Variants in ZKSCAN1 observed in about 807,000 individuals in gnomAD.
ZKSCAN1 encodes zinc finger protein with KRAB and SCAN domains 1.
ZKSCAN1 carries 14 observed loss-of-function variants against 51.6 expected under a neutral mutation model. The ratio of observed to expected loss-of-function variants is 0.27; its 90% CI spans 0.18 to 0.42. The LOEUF is 0.42. ZKSCAN1 is among the 10% of genes least tolerant of loss of function. The pLI, the probability that ZKSCAN1 is intolerant of heterozygous loss-of-function variation, is 1.00. For missense variants in ZKSCAN1, 531 were observed against 710.0 expected (o/e 0.75, Z 2.86); for synonymous variants, 263 against 261.5 (o/e 1.01, Z -0.06).
Position 100,041,117 on chromosome 7 carries a change from G to C in ZKSCAN1, c.*6920G>C. 1.2e-6 allele frequency: 1 copy of C among 837,588 alleles called. No homozygotes were observed. The highest frequency in any genetic ancestry group is 1.4e-6 in the Non-Finnish European group (1 of 695,270). The allele number at this position is 837,588 out of a possible 1,614,324, so 51.9% of individuals were successfully genotyped here. ...TATATAGAGGGCTAACTCAGGCATTGTCTTGTTTATTTGTAGACTGGATTA... is the reference window on the plus strand; with the variant it reads ...TATATAGAGGGCTAACTCAGGCATTCTCTTGTTTATTTGTAGACTGGATTA... On this transcript the variant is annotated 3_prime_UTR_variant, in exon 6 of 6. Coordinates refer to ENST00000324306, the MANE Select transcript of ZKSCAN1 (RefSeq NM_003439.4).
At position 100,036,160 on chromosome 7, in the gene ZKSCAN1, T is replaced by A; in HGVS notation, c.*1963T>A. The stretch of plus-strand genomic sequence containing the variant: ...GGTCATTCTTTGGCCTCTCCTTGGC[T>A]TTATGACTTAAACCAACTACAACTT... On this transcript the variant is annotated 3_prime_UTR_variant, in exon 6 of 6. Coordinates refer to ENST00000324306, the MANE Select transcript of ZKSCAN1 (RefSeq NM_003439.4). 3.0e-6 allele frequency: 3 copies of A among 985,420 alleles called. No individual in the cohort carries two copies. Among genetic ancestry groups the A allele is most frequent in the Non-Finnish European group, 3.6e-6 (3 of 829,916 alleles). The allele number at this position is 985,420 out of a possible 1,614,324, so 61.0% of individuals were successfully genotyped here.
chr7:100,030,371 C>T lies in ZKSCAN1; in HGVS notation c.795C>T (p.Pro265=). The T allele has an allele frequency of 6.2e-7, 1 of 1,613,428 alleles. No homozygotes were observed. Among genetic ancestry groups the T allele is most frequent in the Admixed American group, 1.7e-5 (1 of 59,830 alleles). Residue 265 remains proline, a synonymous_variant, in exon 5 of 6, where the codon CCC becomes CCT. Coordinates refer to ENST00000324306, the MANE Select transcript of ZKSCAN1 (RefSeq NM_003439.4). ...AGGAGAATTATGGGAGCGCATTTCCCCAGGGTAAGACGGATGCAGGCTTAC... is the reference window on the plus strand; with the variant it reads ...AGGAGAATTATGGGAGCGCATTTCCTCAGGGTAAGACGGATGCAGGCTTAC... ...NRQENYGSAF[P]QGGENRNENE...
rs752326422 is a variant in ZKSCAN1, at chr7:100,023,576, G to C, written c.70G>C (p.Val24Leu). The part of the protein sequence containing the change: ...PQAAQEKDGI[V>L]IVKVEEEDEE... Reference sequence around the variant, plus strand: ...GGCTGCACAGGAGAAGGATGGTATCGTAATAGTGAAGGTGGAAGAGGAAGA... The same window carrying C: ...GGCTGCACAGGAGAAGGATGGTATCCTAATAGTGAAGGTGGAAGAGGAAGA... Residue 24 changes from valine to leucine, a missense_variant, in exon 2 of 6, where the codon GTA becomes CTA. Physicochemically the swap from Val to Leu is conservative, Grantham distance 32 (BLOSUM62 1). Coordinates refer to ENST00000324306, the MANE Select transcript of ZKSCAN1 (RefSeq NM_003439.4). The C allele has an allele frequency of 2.5e-6, 4 of 1,613,628 alleles. No homozygotes were observed. The highest frequency in any genetic ancestry group is 2.2e-5 in the East Asian group (1 of 44,892).
chr7:100,042,827 T>C (rs1445450858), downstream of ZKSCAN1, among the ~76,000 whole-genome samples: 1 of 144,288 alleles, frequency 6.9e-6, no homozygotes, highest in East Asian at 2.1e-4. Context: ...AGACGGAGTC[T>C]CGCTCTGTCT....
chr7:100,035,961 C>G lies in ZKSCAN1; in HGVS notation c.*1764C>G. Reference sequence around the variant, plus strand: ...CATAGACTGAGAACAAACCTCAAGACTATCAGTGTGACCTCCCCATAACAA... The same window carrying G: ...CATAGACTGAGAACAAACCTCAAGAGTATCAGTGTGACCTCCCCATAACAA... On this transcript the variant is annotated 3_prime_UTR_variant, in exon 6 of 6. Coordinates refer to ENST00000324306, the MANE Select transcript of ZKSCAN1 (RefSeq NM_003439.4). The G allele has an allele frequency of 1.0e-6, 1 of 985,450 alleles. No individual in the cohort carries two copies. The highest frequency in any genetic ancestry group is 1.2e-6 in the Non-Finnish European group (1 of 829,942). 61.0% of individuals were successfully genotyped at this position (985,450 alleles called of 1,614,324 possible).
At position 100,034,413 on chromosome 7, in the gene ZKSCAN1, T is replaced by A. The variant is rs993678398; in HGVS notation, c.*216T>A. 1.6e-6 allele frequency: 2 copies of A among 1,290,020 alleles called. No individual in the cohort carries two copies. The highest frequency in any genetic ancestry group is 3.0e-5 in the African/African-American group (2 of 66,638). 79.9% of individuals were successfully genotyped at this position (1,290,020 alleles called of 1,614,324 possible). The stretch of plus-strand genomic sequence containing the variant: ...AGCCCCTGCAGGGAAAGGCTAATCT[T>A]ACGGATAATCCACGTGAGATTTCCA... On this transcript the variant is annotated 3_prime_UTR_variant, in exon 6 of 6. Coordinates refer to ENST00000324306, the MANE Select transcript of ZKSCAN1 (RefSeq NM_003439.4).
Position 100,036,411 on chromosome 7 carries a change from T to G in ZKSCAN1, c.*2214T>G, listed in dbSNP as rs1182684219. On this transcript the variant is annotated 3_prime_UTR_variant, in exon 6 of 6. Coordinates refer to ENST00000324306, the MANE Select transcript of ZKSCAN1 (RefSeq NM_003439.4). ...AACTCCTGTGCTTTTGAGCAAGGACTTTTGCCCTCTAGAAAGCAACTGAGG... is the reference window on the plus strand; with the variant it reads ...AACTCCTGTGCTTTTGAGCAAGGACGTTTGCCCTCTAGAAAGCAACTGAGG... The G allele has an allele frequency of 2.0e-6, 2 of 985,272 alleles. No individual in the cohort carries two copies. Among genetic ancestry groups the G allele is most frequent in the East Asian group, 2.3e-4 (2 of 8,824 alleles). 61.0% of individuals were successfully genotyped at this position (985,272 alleles called of 1,614,324 possible).
rs1791376802 is a variant in ZKSCAN1 at position 100,036,727 on chromosome 7, AAAG to A, written c.*2533_*2535del. On this transcript the variant is annotated 3_prime_UTR_variant, in exon 6 of 6. Transcript: ENST00000324306. ...CAAAACTCCATCTCAAAAAAAAAAA[AAAG>A]AAAGAAAGAAACTGAAAAGTGAGGT... The A allele has an allele frequency of 9.2e-6, 9 of 982,760 alleles. No homozygotes were observed. Among genetic ancestry groups the A allele is most frequent in the South Asian group, 4.7e-5 (1 of 21,252 alleles). 60.9% of individuals were successfully genotyped at this position (982,760 alleles called of 1,614,324 possible).
chr7:100,039,486 G>A lies in ZKSCAN1; in HGVS notation c.*5289G>A. 1.4e-5 allele frequency: 14 copies of A among 985,368 alleles called. No individual in the cohort carries two copies. The highest frequency in any genetic ancestry group is 1.7e-5 in the Non-Finnish European group (14 of 829,930). 61.0% of individuals were successfully genotyped at this position (985,368 alleles called of 1,614,324 possible). A position where few individuals can be genotyped will look rare whatever the true frequency, so the allele number is the denominator to read the frequency against. On this transcript the variant is annotated 3_prime_UTR_variant, in exon 6 of 6. Coordinates refer to ENST00000324306, the MANE Select transcript of ZKSCAN1 (RefSeq NM_003439.4). Reference sequence around the variant, plus strand: ...CTTTGGCTGTGTTCCTGTGTTCCCTGCTCCCACTTTTCTTCCCCTGGTTTG... The same window carrying A: ...CTTTGGCTGTGTTCCTGTGTTCCCTACTCCCACTTTTCTTCCCCTGGTTTG...
At position 100,033,108 on chromosome 7, in the gene ZKSCAN1, G is replaced by C. The variant is rs1308266255; in HGVS notation, c.800-197G>C. Among the ~76,000 whole-genome samples, 1 of 151,988 alleles carries C rather than the reference G, an allele frequency of 6.6e-6. No homozygotes were observed. Among genetic ancestry groups the C allele is most frequent in the African/African-American group, 2.4e-5 (1 of 41,374 alleles). The stretch of plus-strand genomic sequence containing the variant: ...AATCACTTGAACCTGGGAGGCGGAG[G>C]TTGCAGTGAACTGAGATCACGTCAC... On this transcript the variant is annotated intron_variant, in intron 5 of 5. Transcript: ENST00000324306. This position sits in a 1 kb window ranked among gnomAD's most constrained non-coding sequence, Gnocchi z 4.1.
chr7:100,042,296 G>A (rs1262467343), downstream of ZKSCAN1, among the ~76,000 whole-genome samples: 2 of 144,556 alleles, frequency 1.4e-5, no homozygotes, highest in Non-Finnish European at 1.5e-5. Context: ...TCCAGCTTGG[G>A]CAACAGAGTG....
rs200799132 is a variant in ZKSCAN1 at position 100,026,737 on chromosome 7, T to A, written c.580+2430T>A. Among the ~76,000 whole-genome samples, 111 of 151,036 alleles carry A rather than the reference T, an allele frequency of 7.3e-4. 1 individual carries two copies. The highest frequency in any genetic ancestry group is 3.6e-3 in the South Asian group (17 of 4,782). On this transcript the variant is annotated intron_variant, in intron 3 of 5. Transcript: ENST00000324306. ...GAGACTCTGTCTCAGAAAAAAAAAA[T>A]AAATAAATAAATACAAATAATAAAT... is the stretch of plus-strand genomic sequence containing the variant.
At chr7:100,025,428 A>G (rs1430199785) in intron 3 of ZKSCAN1, among the ~76,000 whole-genome samples, 2 of 152,140 alleles carry the variant, frequency 1.3e-5, no homozygotes, top group African/African-American at 4.8e-5. Flanking sequence ...GGAACACGAA[A>G]AAAGATCAGT....
chr7:100,025,211 A>G (rs149430193), intron 3 of ZKSCAN1, among the ~76,000 whole-genome samples: 41 of 151,944 alleles, frequency 2.7e-4, no homozygotes, highest in African/African-American at 9.9e-4. Context: ...TTAGTATGTC[A>G]TGAATTATCT....
downstream of ZKSCAN1, chr7:100,044,853 G>A (rs1791682883): frequency 1.0e-5 from 10 of 985,310 alleles, no homozygotes; most frequent in Non-Finnish European, 1.2e-5. Context: ...GGACATGTTC[G>A]GAGTTGTCAT....
chr7:100,033,669 A>G lies in ZKSCAN1; in HGVS notation c.1164A>G (p.Arg388=). ...RCDECGKCFT[R]SSSLIRHKII... is the part of the protein sequence containing the mutation. ...ATGAATGTGGTAAATGCTTCACGAG[A>G]AGTTCAAGCCTTATCCGCCATAAAA... Residue 388 remains arginine (R), a synonymous_variant, in exon 6 of 6, where the codon AGA becomes AGG. Coordinates refer to ENST00000324306, the MANE Select transcript of ZKSCAN1 (RefSeq NM_003439.4). This position sits in a 1 kb window ranked among gnomAD's most constrained non-coding sequence, Gnocchi z 4.1. 6.2e-7 allele frequency: 1 copy of G among 1,614,212 alleles called. No homozygotes were observed. Among genetic ancestry groups the G allele is most frequent in the Non-Finnish European group, 8.5e-7 (1 of 1,180,036 alleles).
chr7:100,025,130 G>A (rs1197986177), intron 3 of ZKSCAN1, among the ~76,000 whole-genome samples: 1 of 151,812 alleles, frequency 6.6e-6, no homozygotes, highest in East Asian at 1.9e-4. Flanking sequence ...CATTCCAGAT[G>A]TCCAGCACAT....
intron 1 of ZKSCAN1, chr7:100,016,690 G>A (rs4729566): frequency 0.68 from 103,283 of 152,134 alleles, 35,162 homozygotes; most frequent in Middle Eastern, 0.75. Flanking sequence ...CCTGTACACA[G>A]TAAGATACTT....
Position 100,039,586 on chromosome 7 carries a change from A to G in ZKSCAN1, c.*5389A>G. ...TTTTTTTAATTTTTATCCTAGAGTC[A>G]GTCACTTTTATTCCAGGTAGTCATG... On this transcript the variant is annotated 3_prime_UTR_variant, in exon 6 of 6. Coordinates refer to ENST00000324306, the MANE Select transcript of ZKSCAN1 (RefSeq NM_003439.4). 3 of 985,452 alleles carry G rather than the reference A, an allele frequency of 3.0e-6. No homozygotes were observed. The highest frequency in any genetic ancestry group is 3.6e-6 in the Non-Finnish European group (3 of 829,934). 61.0% of individuals were successfully genotyped at this position (985,452 alleles called of 1,614,324 possible). A position where few individuals can be genotyped will look rare whatever the true frequency, so the allele number is the denominator to read the frequency against.
Sources: gnomAD v4.1 joint callset for allele counts (sites outside exome capture counted in the v4.1 genomes callset) on GRCh38, gnomAD v4.1.1 for gene constraint, Gnocchi (gnomAD v3.1) non-coding constraint, MANE v1.5 for transcripts, NCBI Gene and HGNC (gene_info 2026-07-23, HGNC 2026-07-21) for gene names.